Variants in SEMA3A observed in about 807,000 individuals in gnomAD.
SEMA3A encodes semaphorin-3A.
A neutral mutation model predicts 97.9 loss-of-function variants in SEMA3A; 29 were observed. The observed-to-expected ratio is 0.30, with a 90% CI of 0.22 to 0.40. The LOEUF is 0.40. Ranked by LOEUF, SEMA3A falls within the 10% of genes least tolerant of loss-of-function variation. The pLI, the probability that SEMA3A is intolerant of heterozygous loss-of-function variation, is 1.00. For missense variants in SEMA3A, 763 were observed against 951.3 expected, an observed-to-expected ratio of 0.80 and a Z score of 2.60; for synonymous variants, 321 against 323.7, an observed-to-expected ratio of 0.99 and a Z score of 0.09.
At chr7:84,464,513 G>A (rs1241558176) in intron 1 of SEMA3A, among the ~76,000 whole-genome samples, 2 of 152,112 alleles carry the variant, frequency 1.3e-5, no homozygotes, top group African/African-American at 4.8e-5. Context: ...GAATGAAGAA[G>A]TAAATGAAAG....
chr7:84,451,860 T>C (rs540263695), intron 1 of SEMA3A, among the ~76,000 whole-genome samples: 189 of 152,268 alleles, frequency 1.2e-3, no homozygotes, highest in African/African-American at 4.4e-3. Flanking sequence ...TTTGATGAAG[T>C]TGGAATCCAG....
At chr7:84,291,687 A>G (rs1800751256) in intron 3 of SEMA3A, among the ~76,000 whole-genome samples, 1 of 152,130 alleles carries the variant, frequency 6.6e-6, no homozygotes, top group African/African-American at 2.4e-5. Context: ...ATAATAGAAG[A>G]TGATTTTCTC....
At chr7:84,044,743 T>C (rs981873018) in intron 6 of SEMA3A, among the ~76,000 whole-genome samples, 6 of 151,952 alleles carry the variant, frequency 3.9e-5, no homozygotes, top group Non-Finnish European at 8.8e-5. Context: ...AACTTAGATA[T>C]ATTGGGACTT....
chr7:84,424,277 G>A (rs984739060), intron 1 of SEMA3A, among the ~76,000 whole-genome samples: 3 of 144,898 alleles, frequency 2.1e-5, no homozygotes, highest in Non-Finnish European at 4.5e-5. Context: ...TAAAGAAAAT[G>A]TTAAATATAT....
intron 5 of SEMA3A, among the ~76,000 whole-genome samples, chr7:84,052,302 G>C (rs1792710075): frequency 6.6e-6 from 1 of 152,138 alleles, no homozygotes; most frequent in African/African-American, 2.4e-5. Flanking sequence ...GTTCCTCCTT[G>C]TACCTCTGGT....
intron 15 of SEMA3A, among the ~76,000 whole-genome samples, chr7:83,973,221 T>G (rs1040411179): frequency 6.6e-6 from 1 of 152,148 alleles, no homozygotes; most frequent in Non-Finnish European, 1.5e-5. Context: ...TCAAGGAGTA[T>G]TTTTTAATCT....
intron 3 of SEMA3A, among the ~76,000 whole-genome samples, chr7:84,284,436 AAC>A (rs375587340): frequency 6.6e-6 from 1 of 152,162 alleles, no homozygotes. Context: ...CAAAATAGGA[AAC>A]ACAGCCCTAA....
In SEMA3A at chr7:84,313,352, G is replaced by A. The variant is rs112916872; in HGVS notation, c.-168-6060C>T. ...TACATATATATATATGTATATGTGT[G>A]TGTGTATATATATATATATATATAT... is the stretch of plus-strand genomic sequence containing the variant. On this transcript the variant is annotated intron_variant, in intron 2 of 3. Transcript: ENST00000424555. Among the ~76,000 whole-genome samples the A allele has an allele frequency of 1.3e-3, 109 of 83,396 alleles. 9 individuals carry two copies. Among genetic ancestry groups the A allele is most frequent in the African/African-American group, 5.5e-3 (102 of 18,538 alleles). 54.7% of individuals were successfully genotyped at this position (83,396 alleles called of 152,430 possible). A position where few individuals can be genotyped will look rare whatever the true frequency, so the allele number is the denominator to read the frequency against.
At chr7:84,488,478 A>T (rs1000587749) in intron 1 of SEMA3A, among the ~76,000 whole-genome samples, 8 of 149,258 alleles carry the variant, frequency 5.4e-5, no homozygotes, top group African/African-American at 1.5e-4. Flanking sequence ...TTGACAGCTC[A>T]TTTTTTTTTT....
intron 3 of SEMA3A, among the ~76,000 whole-genome samples, chr7:84,122,497 A>G (rs960788100): frequency 5.3e-5 from 8 of 152,158 alleles, no homozygotes; most frequent in African/African-American, 1.9e-4. Context: ...GTGAAGACCC[A>G]TGAAAAACTA....
At chr7:84,428,200 A>C (rs935067507) in intron 1 of SEMA3A, among the ~76,000 whole-genome samples, 8 of 152,120 alleles carry the variant, frequency 5.3e-5, no homozygotes, top group African/African-American at 1.9e-4. Context: ...TAGATAATAA[A>C]GCAACTTATT....
chr7:84,125,083 T>C (rs1295113520), intron 3 of SEMA3A, among the ~76,000 whole-genome samples: 1 of 152,130 alleles, frequency 6.6e-6, no homozygotes, highest in African/African-American at 2.4e-5. Flanking sequence ...CCTTTCACTA[T>C]ATAAATCATA....
intron 1 of SEMA3A, among the ~76,000 whole-genome samples, chr7:84,147,373 G>A (rs1164751573): frequency 6.6e-6 from 1 of 152,118 alleles, no homozygotes; most frequent in African/African-American, 2.4e-5. Context: ...GATACATTTT[G>A]GGGAGGAAAA....
At chr7:83,983,658 T>C (rs996910272) in intron 13 of SEMA3A, among the ~76,000 whole-genome samples, 1 of 152,094 alleles carries the variant, frequency 6.6e-6, no homozygotes, top group African/African-American at 2.4e-5. Flanking sequence ...TCATGTTCAT[T>C]TTACCATAAT....
chr7:84,113,607 T>C (rs949580176), intron 3 of SEMA3A, among the ~76,000 whole-genome samples: 5 of 152,158 alleles, frequency 3.3e-5, no homozygotes, highest in Non-Finnish European at 7.3e-5. Flanking sequence ...GGATTTACAA[T>C]GTAATAAAGA....
chr7:84,229,561 T>A (rs1799069688), intron 3 of SEMA3A, among the ~76,000 whole-genome samples: 1 of 152,254 alleles, frequency 6.6e-6, no homozygotes, highest in East Asian at 1.9e-4. Context: ...ACTACCATAA[T>A]GAAATCTTAT....
At chr7:84,150,580 A>C (rs551051379) in intron 1 of SEMA3A, among the ~76,000 whole-genome samples, 1 of 152,160 alleles carries the variant, frequency 6.6e-6, no homozygotes, top group Admixed American at 6.6e-5. Flanking sequence ...CACCTGGCTC[A>C]GAGGGTCCTA....
chr7:84,083,664 A>G (rs935077549), intron 4 of SEMA3A, among the ~76,000 whole-genome samples: 4 of 152,026 alleles, frequency 2.6e-5, no homozygotes, highest in Admixed American at 6.6e-5. Flanking sequence ...AAAATTTGCT[A>G]TATAATTGTA....
chr7:84,231,044 T>A (rs1346632948), intron 3 of SEMA3A, among the ~76,000 whole-genome samples: 1 of 151,932 alleles, frequency 6.6e-6, no homozygotes, highest in Non-Finnish European at 1.5e-5. Flanking sequence ...GATTGGAATA[T>A]CCTTGTTATA....
Sources: allele counts gnomAD v4.1 joint callset (sites outside exome capture counted in the v4.1 genomes callset), GRCh38; gene constraint gnomAD v4.1.1; transcripts MANE v1.5; gene names NCBI Gene and HGNC (gene_info 2026-07-23, HGNC 2026-07-21).